Variants in TINAG observed in about 807,000 individuals in gnomAD.
TINAG encodes the protein tubulointerstitial nephritis antigen.
In TINAG, 83 loss-of-function variants were observed where a neutral mutation model predicts 72.7. That is an observed-to-expected ratio of 1.14 (90% CI 0.96 to 1.37). TINAG has a LOEUF of 1.37. TINAG is among the 40% of genes most tolerant of loss of function. The pLI, the probability that TINAG is intolerant of heterozygous loss-of-function variation, is 0.00. For synonymous variants in TINAG, 234 were observed against 189.9 expected (o/e 1.23, Z -1.91); for missense variants, 685 against 576.6 (o/e 1.19, Z -1.93).
intron 3 of TINAG, among the ~76,000 whole-genome samples, chr6:54,322,337 A>C (rs58994452): frequency 0.042 from 6,318 of 151,560 alleles, 362 homozygotes; most frequent in East Asian, 0.3. Context: ...AACAAACAAA[A>C]AAAAAACAAG....
At chr6:54,389,767 T>TTTTG (rs766316117) in intron 10 of TINAG, 24 bp from the exon 11 acceptor site, 2 of 1,562,992 alleles carry the variant, frequency 1.3e-6, no homozygotes, top group Non-Finnish European at 1.7e-6. Flanking sequence ...TTCTCAACTT[T>TTTTG]TTTGTTTGTT....
intron 10 of TINAG, among the ~76,000 whole-genome samples, chr6:54,381,675 A>G (rs1178804728): frequency 6.6e-6 from 1 of 152,148 alleles, no homozygotes; most frequent in Admixed American, 6.6e-5. Flanking sequence ...TTAGTAGCCA[A>G]CAATCAACAT....
intron 4 of TINAG, among the ~76,000 whole-genome samples, chr6:54,336,569 T>C (rs192076432): frequency 6.6e-6 from 1 of 152,158 alleles, no homozygotes; most frequent in Admixed American, 6.5e-5. Context: ...GTGTTATATC[T>C]TATAAATATT....
At chr6:54,319,401 T>A (rs1344083017) in intron 1 of TINAG, among the ~76,000 whole-genome samples, 1 of 152,130 alleles carries the variant, frequency 6.6e-6, no homozygotes, top group East Asian at 1.9e-4. Flanking sequence ...TCTTCCTACA[T>A]CTCGGGTTTG....
intron 1 of TINAG, among the ~76,000 whole-genome samples, chr6:54,316,538 T>C (rs770372878): frequency 6.6e-6 from 1 of 152,262 alleles, no homozygotes; most frequent in Middle Eastern, 3.4e-3. Flanking sequence ...TGAACAACCC[T>C]GGGGGGTGGA....
chr6:54,338,680 C>T (rs1452578612), intron 4 of TINAG, among the ~76,000 whole-genome samples: 3 of 146,170 alleles, frequency 2.1e-5, no homozygotes, highest in Non-Finnish European at 4.5e-5. Context: ...GCCTAGATCC[C>T]GCCACTGCAC....
intron 9 of TINAG, among the ~76,000 whole-genome samples, chr6:54,360,868 T>TTTTTTTTTTTTTTTTTTTTTTTTTTA (rs1763213224): frequency 7.6e-6 from 1 of 132,448 alleles, no homozygotes. Context: ...TTTTTTTTTT[T>TTTTTTTTTTTTTTTTTTTTTTTTTTA]TTTTCAAATT....
Position 54,389,790 on chromosome 6 carries a change from G to A in TINAG, c.1297-1G>A. ...TTTTTTGTTTGTTTGTTTTTCTGCA[G>A]ATTGCTGCCAATTCCTGGGGAAAGT... On this transcript the variant is annotated splice_acceptor_variant, in intron 10 of 10. Transcript: ENST00000259782. LOFTEE classifies it high-confidence loss of function. 1 of 1,575,524 alleles carries A rather than the reference G, an allele frequency of 6.3e-7. No homozygotes were observed. The highest frequency in any genetic ancestry group is 8.6e-7 in the Non-Finnish European group (1 of 1,166,374).
intron 4 of TINAG, among the ~76,000 whole-genome samples, chr6:54,334,609 G>A (rs1308160472): frequency 6.6e-6 from 1 of 152,172 alleles, no homozygotes; most frequent in African/African-American, 2.4e-5. Flanking sequence ...TTGAGGTTGA[G>A]AAGTTAAGTC....
chr6:54,324,923 G>T (rs1582702766), intron 3 of TINAG, among the ~76,000 whole-genome samples: 1 of 152,170 alleles, frequency 6.6e-6, no homozygotes. Flanking sequence ...TAAATAACAT[G>T]TTGGTCCAAA....
intron 5 of TINAG, among the ~76,000 whole-genome samples, chr6:54,345,215 C>T (rs1244275215): frequency 6.6e-6 from 1 of 152,130 alleles, no homozygotes; most frequent in East Asian, 1.9e-4. Context: ...TGAACTGAGT[C>T]ATTCTTAAAT....
chr6:54,329,641 A>C (rs1315839155), intron 4 of TINAG, among the ~76,000 whole-genome samples: 1 of 152,208 alleles, frequency 6.6e-6, no homozygotes, highest in Non-Finnish European at 1.5e-5. Context: ...TTAAATGTAA[A>C]TGGGCTAAAT....
At chr6:54,322,392 A>C (rs190297144) in intron 3 of TINAG, among the ~76,000 whole-genome samples, 212 of 152,250 alleles carry the variant, frequency 1.4e-3, no homozygotes, top group Admixed American at 2.2e-3. Flanking sequence ...TTATTATAGA[A>C]CTAAAAGGAA....
intron 1 of TINAG, among the ~76,000 whole-genome samples, chr6:54,317,400 G>A (rs888417456): frequency 5.9e-5 from 9 of 152,236 alleles, no homozygotes; most frequent in African/African-American, 1.9e-4. Context: ...CACGGGGACA[G>A]GTTTTTCCCA....
intron 9 of TINAG, among the ~76,000 whole-genome samples, chr6:54,375,390 T>C (rs1008010253): frequency 1.3e-5 from 2 of 152,166 alleles, no homozygotes; most frequent in Admixed American, 6.6e-5. Flanking sequence ...GAAGCAATTC[T>C]GTAACCACTG....
intron 10 of TINAG, among the ~76,000 whole-genome samples, chr6:54,389,492 C>T (rs1764186141): frequency 6.6e-6 from 1 of 152,142 alleles, no homozygotes; most frequent in African/African-American, 2.4e-5. Context: ...GTAGACAACT[C>T]TATAACTGCA....
At chr6:54,363,335 T>A (rs1763297535) in intron 9 of TINAG, among the ~76,000 whole-genome samples, 2 of 151,196 alleles carry the variant, frequency 1.3e-5, no homozygotes, top group African/African-American at 4.8e-5. Flanking sequence ...ATAAAGAGAG[T>A]GATATAGAGG....
intron 10 of TINAG, among the ~76,000 whole-genome samples, chr6:54,387,014 T>C (rs1380115679): frequency 1.3e-5 from 2 of 152,120 alleles, no homozygotes; most frequent in Non-Finnish European, 2.9e-5. Context: ...TGGAAAGGTA[T>C]CTGACAAGTC....
At chr6:54,360,566 A>G (rs1763195267) in intron 9 of TINAG, among the ~76,000 whole-genome samples, 1 of 151,588 alleles carries the variant, frequency 6.6e-6, no homozygotes, top group Admixed American at 6.6e-5. Context: ...GTCCCTGTCC[A>G]TTGAAGGTCT....
Sources: allele counts gnomAD v4.1 joint callset (sites outside exome capture counted in the v4.1 genomes callset), GRCh38; gene constraint gnomAD v4.1.1; transcripts MANE v1.5; gene names NCBI Gene and HGNC (gene_info 2026-07-23, HGNC 2026-07-21).